The following SBF2 variants were observed in gnomAD, a reference collection of about 807,000 sequenced individuals.
The protein encoded by SBF2 is SET binding factor 2.
In SBF2, 112 loss-of-function variants were observed where a neutral mutation model predicts 225.2. That is an observed-to-expected ratio of 0.50 (90% CI 0.43 to 0.58). The LOEUF is 0.58. Ranked by LOEUF, SBF2 falls within the 20% of genes least tolerant of loss-of-function variation. SBF2 has a pLI of 0.00. For synonymous variants in SBF2, 763 were observed against 773.3 expected, an observed-to-expected ratio of 0.99 and a Z score of 0.22; for missense variants, 1,996 against 2,206.2, an observed-to-expected ratio of 0.90 and a Z score of 1.91.
At chr11:10,238,715 C>A (rs1959169270) in intron 1 of SBF2, among the ~76,000 whole-genome samples, 1 of 150,600 alleles carries the variant, frequency 6.6e-6, no homozygotes, top group African/African-American at 2.4e-5. Context: ...GAGTTTGAGA[C>A]CAGCCTAGCC....
chr11:10,156,950 C>T (rs1014175571), intron 2 of SBF2, among the ~76,000 whole-genome samples: 1 of 152,096 alleles, frequency 6.6e-6, no homozygotes, highest in Admixed American at 6.6e-5. Context: ...AAAAACAGCC[C>T]AAATAGCTAA....
intron 19 of SBF2, among the ~76,000 whole-genome samples, chr11:9,855,913 T>C (rs921525183): frequency 1.3e-5 from 2 of 152,192 alleles, no homozygotes; most frequent in African/African-American, 4.8e-5. Flanking sequence ...AGGATTAGCA[T>C]GAGCAGGGAG....
intron 2 of SBF2, among the ~76,000 whole-genome samples, chr11:10,082,605 C>T (rs1951410018): frequency 6.6e-6 from 1 of 152,058 alleles, no homozygotes; most frequent in African/African-American, 2.4e-5. Flanking sequence ...AAATGTGATT[C>T]ACTAGATAAA....
At chr11:10,104,944 T>C (rs1208705416) in intron 2 of SBF2, among the ~76,000 whole-genome samples, 1 of 152,238 alleles carries the variant, frequency 6.6e-6, no homozygotes, top group African/African-American at 2.4e-5. Context: ...TAAAGTCCAC[T>C]TGGTCACAGC....
intron 1 of SBF2, among the ~76,000 whole-genome samples, chr11:10,293,049 T>A (rs1964270544): frequency 6.6e-6 from 1 of 152,166 alleles, no homozygotes; most frequent in Non-Finnish European, 1.5e-5. Flanking sequence ...AATCTCAGCA[T>A]CTCTGAAAAA....
chr11:9,894,867 A>G (rs575245107), intron 17 of SBF2, among the ~76,000 whole-genome samples: 18 of 152,078 alleles, frequency 1.2e-4, no homozygotes, highest in Admixed American at 1.0e-3. Flanking sequence ...CTATAACCCC[A>G]GCCACTTGGG....
intron 17 of SBF2, among the ~76,000 whole-genome samples, chr11:9,888,778 A>G (rs1172970891): frequency 6.6e-6 from 1 of 152,156 alleles, no homozygotes; most frequent in Non-Finnish European, 1.5e-5. Flanking sequence ...ATAGTTAAAG[A>G]ACTTGAGGTT....
chr11:10,042,778 G>C (rs1182748853), intron 3 of SBF2, 66 bp downstream of exon 3: 4 of 1,536,410 alleles, frequency 2.6e-6, no homozygotes, highest in East Asian at 2.3e-5. Flanking sequence ...CAAAAATATG[G>C]CATATAAAAA....
intron 1 of SBF2, among the ~76,000 whole-genome samples, chr11:10,292,556 G>C (rs1025211576): frequency 6.6e-6 from 1 of 151,662 alleles, no homozygotes; most frequent in African/African-American, 2.4e-5. Flanking sequence ...GCGGGCGCCT[G>C]TAAATCCCAG....
At chr11:10,246,831 T>A (rs1340912656) in intron 1 of SBF2, among the ~76,000 whole-genome samples, 1 of 152,096 alleles carries the variant, frequency 6.6e-6, no homozygotes, top group East Asian at 1.9e-4. Context: ...TCTCACCACT[T>A]TGGGAGGTCG....
chr11:10,033,822 A>T (rs1397465635), intron 3 of SBF2, among the ~76,000 whole-genome samples: 1 of 152,134 alleles, frequency 6.6e-6, no homozygotes, highest in African/African-American at 2.4e-5. Flanking sequence ...TAGCTGCTAG[A>T]TGTATTCTAT....
intron 2 of SBF2, among the ~76,000 whole-genome samples, chr11:10,058,647 A>G (rs1950333555): frequency 6.6e-6 from 1 of 152,174 alleles, no homozygotes; most frequent in Admixed American, 6.5e-5. Context: ...AATCAGTCAA[A>G]TTAAGGAAAT....
At chr11:10,290,978 A>G (rs1410937647) in intron 1 of SBF2, among the ~76,000 whole-genome samples, 1 of 152,178 alleles carries the variant, frequency 6.6e-6, no homozygotes, top group Non-Finnish European at 1.5e-5. Context: ...GAACCAAGGC[A>G]TGGAAAGTAC....
intron 2 of SBF2, among the ~76,000 whole-genome samples, chr11:10,094,996 C>T (rs541825673): frequency 6.6e-6 from 1 of 151,712 alleles, no homozygotes; most frequent in Non-Finnish European, 1.5e-5. Flanking sequence ...AAGGAACCAT[C>T]GAAGCCATAA....
At chr11:9,805,910 C>A (rs563179930) in intron 32 of SBF2, among the ~76,000 whole-genome samples, 2 of 152,176 alleles carry the variant, frequency 1.3e-5, no homozygotes, top group Non-Finnish European at 2.9e-5. Flanking sequence ...CGTGAGCCAC[C>A]ACGCCCGACC....
At chr11:9,853,923 AG>A (rs1204519930) in intron 19 of SBF2, among the ~76,000 whole-genome samples, 5 of 152,206 alleles carry the variant, frequency 3.3e-5, no homozygotes, top group Admixed American at 3.3e-4. Context: ...TCAGGCAGTA[AG>A]TTTCTGTAAG....
chr11:9,804,856 T>G (rs2133889833), intron 32 of SBF2, among the ~76,000 whole-genome samples: 1 of 152,306 alleles, frequency 6.6e-6, no homozygotes, highest in East Asian at 1.9e-4. Context: ...TGATGGACAT[T>G]TGGTTTGTTT....
intron 2 of SBF2, among the ~76,000 whole-genome samples, chr11:10,087,817 T>C (rs1951632182): frequency 6.6e-6 from 1 of 152,222 alleles, no homozygotes; most frequent in Non-Finnish European, 1.5e-5. Flanking sequence ...GTCAGCATTT[T>C]CAGTAAAACC....
At chr11:10,001,533 T>TC (rs1397927910) in intron 7 of SBF2, among the ~76,000 whole-genome samples, 1 of 152,032 alleles carries the variant, frequency 6.6e-6, no homozygotes, top group Non-Finnish European at 1.5e-5. Flanking sequence ...AATAAATTTT[T>TC]TTTTTTTTTG....
Sources: allele counts gnomAD v4.1 joint callset (sites outside exome capture counted in the v4.1 genomes callset), GRCh38; gene constraint gnomAD v4.1.1; transcripts MANE v1.5; gene names NCBI Gene and HGNC (gene_info 2026-07-23, HGNC 2026-07-21).